Variants in GRID2 observed in about 807,000 individuals in gnomAD.
GRID2 encodes the protein glutamate receptor ionotropic, delta-2.
Under a neutral mutation model 114.8 loss-of-function variants are expected in GRID2, and 33 were observed. The ratio of observed to expected loss-of-function variants is 0.29; its 90% confidence interval spans 0.22 to 0.38. The LOEUF is 0.38. GRID2 is among the 10% of genes least tolerant of loss of function. The pLI is 1.00. For synonymous variants in GRID2, 505 were observed against 449.9 expected (o/e 1.12, Z -1.55); for missense variants, 1,184 against 1,257.7 (o/e 0.94, Z 0.89).
chr4:92,495,852 A>C (rs141793664), intron 1 of GRID2, among the ~76,000 whole-genome samples: 1 of 152,030 alleles, frequency 6.6e-6, no homozygotes, highest in African/African-American at 2.4e-5. Flanking sequence ...ACATATTCCT[A>C]TGCTTCTCTA....
chr4:92,501,137 T>C (rs1560673683), intron 1 of GRID2, among the ~76,000 whole-genome samples: 1 of 152,142 alleles, frequency 6.6e-6, no homozygotes, highest in Non-Finnish European at 1.5e-5. Flanking sequence ...ACAACAGGAA[T>C]GCATTCGGGA....
intron 2 of GRID2, among the ~76,000 whole-genome samples, chr4:92,605,278 AG>A (rs1436951770): frequency 2.6e-5 from 4 of 152,132 alleles, no homozygotes; most frequent in Non-Finnish European, 5.9e-5. Context: ...GACGGAAACT[AG>A]GAATTTCCAA....
At chr4:93,330,325 AGGAGTTAG>A (rs2149226491) in intron 8 of GRID2, among the ~76,000 whole-genome samples, 1 of 152,288 alleles carries the variant, frequency 6.6e-6, no homozygotes, top group African/African-American at 2.4e-5. Flanking sequence ...GAGAAGAATC[AGGAGTTAG>A]GAGACTCCAT....
chr4:92,456,994 G>T (rs1721248442), intron 1 of GRID2, among the ~76,000 whole-genome samples: 2 of 152,070 alleles, frequency 1.3e-5, no homozygotes, highest in Admixed American at 6.6e-5. Context: ...ATATGTGTAT[G>T]TGTATATTTC....
At chr4:92,760,617 C>T (rs1239300745) in intron 2 of GRID2, among the ~76,000 whole-genome samples, 3 of 152,188 alleles carry the variant, frequency 2.0e-5, no homozygotes, top group African/African-American at 7.2e-5. Context: ...TCCTCTCACA[C>T]ACTGCCAAAT....
chr4:92,592,902 C>T (rs1579644105), intron 2 of GRID2, among the ~76,000 whole-genome samples: 1 of 151,720 alleles, frequency 6.6e-6, no homozygotes, highest in Non-Finnish European at 1.5e-5. Flanking sequence ...CATTCAGAAG[C>T]ACTATTTTCT....
At chr4:93,681,730 T>G (rs1578557009) in intron 14 of GRID2, among the ~76,000 whole-genome samples, 1 of 152,204 alleles carries the variant, frequency 6.6e-6, no homozygotes, top group East Asian at 1.9e-4. Flanking sequence ...TAGCCATATG[T>G]AGAAAGCTGA....
intron 1 of GRID2, among the ~76,000 whole-genome samples, chr4:92,346,879 A>G (rs1727792254): frequency 1.3e-5 from 2 of 152,200 alleles, no homozygotes; most frequent in Admixed American, 1.3e-4. Context: ...TAATTATTTT[A>G]GTTGCAAGTG....
intron 13 of GRID2, among the ~76,000 whole-genome samples, chr4:93,571,020 TAGAG>T (rs1320157835): frequency 1.3e-5 from 2 of 152,166 alleles, no homozygotes; most frequent in Non-Finnish European, 2.9e-5. Flanking sequence ...TTATAAAACA[TAGAG>T]AGCGAGCAAG....
chr4:93,504,580 C>G (rs986895086), intron 12 of GRID2, among the ~76,000 whole-genome samples: 1 of 151,962 alleles, frequency 6.6e-6, no homozygotes, highest in Non-Finnish European at 1.5e-5. Context: ...GTGATAATCA[C>G]TCAGAGATGG....
At chr4:93,636,388 T>C (rs149000078) in intron 14 of GRID2, among the ~76,000 whole-genome samples, 1 of 152,050 alleles carries the variant, frequency 6.6e-6, no homozygotes, top group African/African-American at 2.4e-5. Context: ...ATTCCAGAAC[T>C]TAAAACCACA....
At chr4:92,996,479 C>G (rs1489785407) in intron 2 of GRID2, among the ~76,000 whole-genome samples, 2 of 151,976 alleles carry the variant, frequency 1.3e-5, no homozygotes, top group Non-Finnish European at 2.9e-5. Flanking sequence ...AGACATAAAC[C>G]TCAAATCTGT....
chr4:92,995,783 CTT>C (rs1318337421), intron 2 of GRID2, among the ~76,000 whole-genome samples: 1 of 152,200 alleles, frequency 6.6e-6, no homozygotes, highest in East Asian at 1.9e-4. Context: ...TTTTCTCTAT[CTT>C]TTAGACTTCT....
At chr4:92,635,778 A>G (rs1731038301) in intron 2 of GRID2, among the ~76,000 whole-genome samples, 1 of 152,128 alleles carries the variant, frequency 6.6e-6, no homozygotes, top group Admixed American at 6.6e-5. Context: ...CAATGATTTC[A>G]GGTACACCAT....
intron 7 of GRID2, among the ~76,000 whole-genome samples, chr4:93,229,156 T>G (rs1025921741): frequency 7.2e-5 from 11 of 152,072 alleles, no homozygotes; most frequent in African/African-American, 2.7e-4. Flanking sequence ...AAAAATGGAT[T>G]TTTAGAAAAA....
At chr4:92,744,654 A>G (rs1475431915) in intron 2 of GRID2, among the ~76,000 whole-genome samples, 1 of 151,994 alleles carries the variant, frequency 6.6e-6, no homozygotes, top group Non-Finnish European at 1.5e-5. Context: ...AGTGCCTTGC[A>G]CTTTTCTAGT....
rs189290383 is a variant in GRID2, at chr4:92,572,247, A to G, written c.89-17884A>G. Among the ~76,000 whole-genome samples the G allele has an allele frequency of 2.9e-3, 443 of 152,338 alleles. 1 individual carries two copies. Among genetic ancestry groups the G allele is most frequent in the Middle Eastern group, 0.01 (3 of 294 alleles). On this transcript the variant is annotated intron_variant, in intron 1 of 15. Transcript: ENST00000282020. Reference sequence around the variant, plus strand: ...ATACAAACTACCATCAGATAATACTATAAACACCTCTCTGCAAATAAACTA... The same window carrying G: ...ATACAAACTACCATCAGATAATACTGTAAACACCTCTCTGCAAATAAACTA...
intron 2 of GRID2, among the ~76,000 whole-genome samples, chr4:92,734,764 T>A (rs1736508958): frequency 6.6e-6 from 1 of 151,708 alleles, no homozygotes; most frequent in Non-Finnish European, 1.5e-5. Flanking sequence ...TATATTTCTT[T>A]TTTTTAGTTT....
intron 14 of GRID2, among the ~76,000 whole-genome samples, chr4:93,631,261 C>A (rs948389681): frequency 6.6e-6 from 1 of 151,690 alleles, no homozygotes; most frequent in Non-Finnish European, 1.5e-5. Context: ...TACATGTGCA[C>A]AACGTGCAGG....
Sources: gnomAD v4.1 joint callset for allele counts (sites outside exome capture counted in the v4.1 genomes callset) on GRCh38, gnomAD v4.1.1 for gene constraint, MANE v1.5 for transcripts, NCBI Gene and HGNC (gene_info 2026-07-23, HGNC 2026-07-21) for gene names.